Variants in EPM2A observed in about 807,000 individuals in gnomAD.
EPM2A encodes laforin.
In EPM2A, 21 loss-of-function variants were observed where a neutral mutation model predicts 26.5. That is an observed-to-expected ratio of 0.79 (90% CI 0.56 to 1.14). The LOEUF is 1.14. Ranked by LOEUF, EPM2A falls within the 50% of genes most tolerant of loss-of-function variation. The pLI, the probability that EPM2A is intolerant of heterozygous loss-of-function variation, is 0.00. For missense variants in EPM2A, 458 were observed against 440.8 expected, an observed-to-expected ratio of 1.04 and a Z score of -0.35; for synonymous variants, 217 against 177.6, an observed-to-expected ratio of 1.22 and a Z score of -1.76.
intron 2 of EPM2A, among the ~76,000 whole-genome samples, chr6:145,643,446 C>T (rs1777231149): frequency 6.6e-6 from 1 of 152,110 alleles, no homozygotes; most frequent in Non-Finnish European, 1.5e-5. Context: ...ACTTTATACA[C>T]TGGATATGTA....
chr6:145,661,509 A>G (rs1778706302), intron 2 of EPM2A, among the ~76,000 whole-genome samples: 1 of 152,222 alleles, frequency 6.6e-6, no homozygotes, highest in South Asian at 2.1e-4. Flanking sequence ...AACAAACACC[A>G]TCTAATTTCA....
chr6:145,698,771 T>C (rs893170313), intron 1 of EPM2A, among the ~76,000 whole-genome samples: 20 of 152,156 alleles, frequency 1.3e-4, no homozygotes, highest in Admixed American at 5.2e-4. Flanking sequence ...TATTTAAACA[T>C]AGGACCTTAA....
At chr6:145,708,971 G>C (rs1274025399) in intron 1 of EPM2A, among the ~76,000 whole-genome samples, 1 of 152,218 alleles carries the variant, frequency 6.6e-6, no homozygotes, top group African/African-American at 2.4e-5. Context: ...GAACTTTAAG[G>C]TTTAATGACT....
At chr6:145,401,023 A>C (rs890147309) in intron 4 of EPM2A, among the ~76,000 whole-genome samples, 3 of 152,154 alleles carry the variant, frequency 2.0e-5, no homozygotes, top group Non-Finnish European at 2.9e-5. Flanking sequence ...AGTACCTTTG[A>C]CTTTACTAAA....
chr6:145,495,492 G>C (rs1468688777), intron 4 of EPM2A, among the ~76,000 whole-genome samples: 1 of 152,034 alleles, frequency 6.6e-6, no homozygotes, highest in African/African-American at 2.4e-5. Flanking sequence ...TTATATTTAA[G>C]GTTAGTATTG....
chr6:145,505,572 A>G (rs1300474701), intron 2 of EPM2A, among the ~76,000 whole-genome samples: 1 of 152,128 alleles, frequency 6.6e-6, no homozygotes, highest in Admixed American at 6.5e-5. Flanking sequence ...AGACCTAGTC[A>G]TATTTCACTG....
intron 3 of EPM2A, chr6:145,628,771 C>G (rs200768379): frequency 6.6e-6 from 1 of 152,238 alleles, no homozygotes; most frequent in Admixed American, 6.5e-5. Context: ...ACCCCTCCCT[C>G]GAAAGATTTC....
chr6:145,540,215 C>T (rs1462035858), intron 2 of EPM2A, among the ~76,000 whole-genome samples: 3 of 152,184 alleles, frequency 2.0e-5, no homozygotes, highest in Non-Finnish European at 2.9e-5. Context: ...GTTGCCCTTG[C>T]TGTATCTCAA....
intron 3 of EPM2A, among the ~76,000 whole-genome samples, chr6:145,634,322 T>C (rs1470681041): frequency 6.6e-6 from 1 of 152,180 alleles, no homozygotes; most frequent in Non-Finnish European, 1.5e-5. Flanking sequence ...TAAAATTCCA[T>C]GCTTCTGTGC....
intron 4 of EPM2A, among the ~76,000 whole-genome samples, chr6:145,411,748 A>T (rs1406941832): frequency 6.6e-6 from 1 of 152,228 alleles, no homozygotes; most frequent in Non-Finnish European, 1.5e-5. Context: ...TTATACTAAT[A>T]CTCAAAGAGC....
At chr6:145,637,906 G>A (rs909831955) in intron 2 of EPM2A, 1 of 152,232 alleles carries the variant, frequency 6.6e-6, no homozygotes, top group African/African-American at 2.4e-5. Context: ...GATGCCTAGT[G>A]AGGTGATAGT....
intron 4 of EPM2A, among the ~76,000 whole-genome samples, chr6:145,436,328 G>T (rs540090019): frequency 1.3e-5 from 2 of 152,258 alleles, no homozygotes; most frequent in South Asian, 2.1e-4. Context: ...TTGTGTGAAC[G>T]TATCTTTTCA....
chr6:145,719,075 G>A (rs921576296), intron 1 of EPM2A, among the ~76,000 whole-genome samples: 5 of 152,128 alleles, frequency 3.3e-5, no homozygotes, highest in African/African-American at 7.2e-5. Flanking sequence ...GATTCCTCAC[G>A]GATCTAGAAC....
intron 2 of EPM2A, among the ~76,000 whole-genome samples, chr6:145,676,520 T>C (rs909990141): frequency 5.9e-5 from 9 of 152,044 alleles, no homozygotes; most frequent in African/African-American, 2.2e-4. Flanking sequence ...ACAAAATTGA[T>C]AGGCTGCTAG....
At chr6:145,434,245 C>CT (rs551809295) in intron 4 of EPM2A, among the ~76,000 whole-genome samples, 230 of 150,058 alleles carry the variant, frequency 1.5e-3, no homozygotes, top group Middle Eastern at 3.5e-3. Context: ...GTTTTCTTCT[C>CT]TTTTTTTTAT....
chr6:145,397,397 C>T (rs565715270), intron 4 of EPM2A, among the ~76,000 whole-genome samples: 5 of 152,010 alleles, frequency 3.3e-5, no homozygotes, highest in South Asian at 4.2e-4. Context: ...GGTATGATGA[C>T]GCCATTGCAC....
At chr6:145,629,178 G>A (rs1776058724) in intron 3 of EPM2A, 1 of 152,436 alleles carries the variant, frequency 6.6e-6, no homozygotes, top group Non-Finnish European at 1.5e-5. Context: ...CGGCAGGGAG[G>A]ACACGGTTTC....
At chr6:145,517,853 A>G (rs1780150597) in intron 2 of EPM2A, among the ~76,000 whole-genome samples, 1 of 152,170 alleles carries the variant, frequency 6.6e-6, no homozygotes, top group Non-Finnish European at 1.5e-5. Context: ...GGTAGCTCCA[A>G]TAATATCACG....
At chr6:145,691,766 A>G (rs982437528) in intron 1 of EPM2A, among the ~76,000 whole-genome samples, 1 of 152,068 alleles carries the variant, frequency 6.6e-6, no homozygotes. Flanking sequence ...CTATGTGTAA[A>G]TCAAAACAGA....
Sources: allele counts gnomAD v4.1 joint callset (sites outside exome capture counted in the v4.1 genomes callset), GRCh38; gene constraint gnomAD v4.1.1; transcripts MANE v1.5; gene names NCBI Gene and HGNC (gene_info 2026-07-23, HGNC 2026-07-21).